Variants in TOX3 observed in about 807,000 individuals in gnomAD.
The protein encoded by TOX3 is TOX high mobility group box family member 3, also known as CAG trinucleotide repeat-containing gene F9 protein.
Under a neutral mutation model 64.3 loss-of-function variants are expected in TOX3, and 22 were observed. The ratio of observed to expected loss-of-function variants is 0.34; its 90% confidence interval spans 0.24 to 0.49. TOX3 has a LOEUF of 0.49. Ranked by LOEUF, TOX3 falls within the 20% of genes least tolerant of loss-of-function variation. TOX3 has a pLI of 0.99. For missense variants in TOX3, 661 were observed against 714.4 expected, an observed-to-expected ratio of 0.93 and a Z score of 0.85; for synonymous variants, 291 against 273.6, an observed-to-expected ratio of 1.06 and a Z score of -0.63.
At position 52,546,617 on chromosome 16, in the gene TOX3, C is replaced by T. The variant is rs1445584239; in HGVS notation, c.87+20G>A. The T allele has an allele frequency of 6.5e-7, 1 of 1,533,824 alleles. No individual in the cohort carries two copies. The highest frequency in any genetic ancestry group is 8.8e-7 in the Non-Finnish European group (1 of 1,142,434). ...GGGAGGTGGCCCCCGCCCCCCGGCCCACCGGCCCAGCCCGGTCACCTTGCT... is the reference window on the plus strand; with the variant it reads ...GGGAGGTGGCCCCCGCCCCCCGGCCTACCGGCCCAGCCCGGTCACCTTGCT... On this transcript the variant is annotated intron_variant, in intron 1 of 6. Coordinates refer to ENST00000219746, the MANE Select transcript of TOX3 (RefSeq NM_001080430.4).
At chr16:52,440,287 C>T (rs977774351) in intron 6 of TOX3, among the ~76,000 whole-genome samples, 4 of 152,142 alleles carry the variant, frequency 2.6e-5, no homozygotes, top group Non-Finnish European at 5.9e-5. Flanking sequence ...GGCCCAATTA[C>T]CCCCCTCAAG....
chr16:52,499,150 AC>A (rs966623232), intron 1 of TOX3, among the ~76,000 whole-genome samples: 1 of 152,146 alleles, frequency 6.6e-6, no homozygotes, highest in Non-Finnish European at 1.5e-5. Flanking sequence ...GATTCACAAG[AC>A]CCCCTGGAAA....
rs369822258 is a variant in TOX3, at chr16:52,468,528, G to A, written c.134C>T (p.Ala45Val). 41 of 1,612,654 alleles carry A rather than the reference G, an allele frequency of 2.5e-5. No individual in the cohort carries two copies. The African/African-American group carries it at 2.8e-4, about 11-fold the overall frequency. The change falls in exon 2 of 7, where the codon GCG (alanine) becomes GTG (valine). Residue 45 changes from alanine (A) to valine (V), a missense_variant. Ala to Val is a moderately conservative substitution (Grantham distance 64, BLOSUM62 0). This residue lies in a region of TOX3 where 259 missense variants were observed against 261.2 expected (regional missense o/e 0.99). Transcript: ENST00000219746. ...ACCTACCTCACTGGCAGCGAAGAAC[G>A]CATTGTTCGCCTCAGCCATATTCAT... The part of the protein sequence containing the change: ...NYMNMAEANN[A>V]FFAASEQTFH...
intron 1 of TOX3, among the ~76,000 whole-genome samples, chr16:52,480,396 C>T (rs1331387607): frequency 6.6e-6 from 1 of 152,154 alleles, no homozygotes; most frequent in Non-Finnish European, 1.5e-5. Context: ...TTGCTGCAAT[C>T]CAATGAAGGA....
intron 6 of TOX3, among the ~76,000 whole-genome samples, chr16:52,441,693 C>T (rs542157916): frequency 6.6e-6 from 1 of 152,212 alleles, no homozygotes; most frequent in Non-Finnish European, 1.5e-5. Flanking sequence ...TTTATGACTC[C>T]GATTTATAAA....
At chr16:52,495,143 C>T (rs956885854) in intron 1 of TOX3, among the ~76,000 whole-genome samples, 1 of 152,028 alleles carries the variant, frequency 6.6e-6, no homozygotes, top group African/African-American at 2.4e-5. Context: ...GAATTGTTGC[C>T]CATCAATTGA....
intron 1 of TOX3, among the ~76,000 whole-genome samples, chr16:52,483,563 G>GT (rs1961422760): frequency 8.9e-5 from 9 of 101,362 alleles, no homozygotes; most frequent in African/African-American, 3.3e-4. Context: ...AGGGCAGTTT[G>GT]GTTTTTTTTT....
In TOX3 at chr16:52,527,207, A is replaced by G. The variant is rs571150555; in HGVS notation, c.87+19430T>C. Among the ~76,000 whole-genome samples the G allele has an allele frequency of 2.6e-5, 4 of 151,152 alleles. No homozygotes were observed. The South Asian group carries it at 8.4e-4, about 32-fold the overall frequency. The stretch of plus-strand genomic sequence containing the variant: ...AAAAAGTAAAAGAAAAGAAAAAGCT[A>G]GCAGGTATACTAGAACCAAACACAC... On this transcript the variant is annotated intron_variant, in intron 1 of 6. Transcript: ENST00000219746.
chr16:52,495,230 G>A (rs776491755), intron 1 of TOX3, among the ~76,000 whole-genome samples: 2 of 152,264 alleles, frequency 1.3e-5, no homozygotes, highest in South Asian at 2.1e-4. Context: ...AGCCCAGAAC[G>A]TGCTTTTGGA....
At chr16:52,448,441 C>G (rs897585625) in intron 4 of TOX3, among the ~76,000 whole-genome samples, 22 of 152,132 alleles carry the variant, frequency 1.4e-4, no homozygotes, top group Non-Finnish European at 4.4e-5. Context: ...AATGGCTAAG[C>G]TGTTACCTAA....
chr16:52,510,155 A>C (rs1466108705), intron 1 of TOX3, among the ~76,000 whole-genome samples: 1 of 152,108 alleles, frequency 6.6e-6, no homozygotes, highest in African/African-American at 2.4e-5. Flanking sequence ...AAAAAAAAAA[A>C]AAAAAATGCC....
intron 1 of TOX3, among the ~76,000 whole-genome samples, chr16:52,516,394 T>C (rs547285983): frequency 5.6e-4 from 85 of 152,320 alleles, no homozygotes; most frequent in Non-Finnish European, 9.1e-4. Flanking sequence ...ATCAGTTACA[T>C]GCATTTAGAA....
rs746103477 is a variant in TOX3, at chr16:52,439,718, G to T, written c.1238C>A (p.Ala413Asp). 23 of 1,613,996 alleles carry T rather than the reference G, an allele frequency of 1.4e-5. No homozygotes were observed. The Admixed American group carries it at 3.2e-4, about 22-fold the overall frequency. The stretch of plus-strand genomic sequence containing the variant: ...CGTTCCCATGGAGCTTATCAGTGGA[G>T]CCCCAATGTTCGAGGGCATGTTGGC... ...IAANMPSNIG[A>D]PLISSMGTTM... Residue 413 changes from alanine to aspartate, a missense_variant, in exon 7 of 7, where the codon GCT (alanine) becomes GAT (aspartate). Physicochemically the swap from Ala to Asp is moderately radical, Grantham distance 126 (BLOSUM62 -2). This residue lies in a region of TOX3 where 299 missense variants were observed against 292.1 expected (regional missense o/e 1.02). Transcript: ENST00000219746.
chr16:52,518,613 A>AT (rs1962518057), intron 1 of TOX3, among the ~76,000 whole-genome samples: 1 of 152,242 alleles, frequency 6.6e-6, no homozygotes, highest in Non-Finnish European at 1.5e-5. Flanking sequence ...ATATTCTCAT[A>AT]CAGAATTCTA....
intron 1 of TOX3, among the ~76,000 whole-genome samples, chr16:52,516,799 T>C (rs1962471179): frequency 6.6e-6 from 1 of 152,198 alleles, no homozygotes; most frequent in Non-Finnish European, 1.5e-5. Context: ...CTTGTGGTGA[T>C]GGAAATGTTC....
At chr16:52,525,016 GA>G (rs937502587) in intron 1 of TOX3, among the ~76,000 whole-genome samples, 3 of 151,756 alleles carry the variant, frequency 2.0e-5, no homozygotes, top group African/African-American at 7.3e-5. Flanking sequence ...TCAAAAACCT[GA>G]AAGGCAAGAT....
Position 52,439,050 on chromosome 16 carries a change from G to T in TOX3, c.*175C>A. The T allele has an allele frequency of 1.1e-6, 1 of 902,446 alleles. No homozygotes were observed. The highest frequency in any genetic ancestry group is 1.8e-6 in the Non-Finnish European group (1 of 564,402). 55.9% of individuals were successfully genotyped at this position (902,446 alleles called of 1,614,324 possible). A position where few individuals can be genotyped will look rare whatever the true frequency, so the allele number is the denominator to read the frequency against. On this transcript the variant is annotated 3_prime_UTR_variant, in exon 7 of 7. Coordinates refer to ENST00000219746, the MANE Select transcript of TOX3 (RefSeq NM_001080430.4). ...AGTGATTTATAGTCAGCTAAAAGAT[G>T]TTACTCAGCTACACTGCAGTTCTTA...
chr16:52,530,423 G>A (rs997799703), intron 1 of TOX3, among the ~76,000 whole-genome samples: 3 of 150,630 alleles, frequency 2.0e-5, no homozygotes, highest in African/African-American at 4.9e-5. Context: ...TGCAACCTCC[G>A]CCTCCCAGGT....
At chr16:52,444,670 AC>A (rs1960112619) in intron 5 of TOX3, 1 of 230,490 alleles carries the variant, frequency 4.3e-6, no homozygotes, top group Non-Finnish European at 8.3e-6. Flanking sequence ...ACAGCTGAAA[AC>A]CTCATGCTAA....
Sources: allele counts gnomAD v4.1 joint callset (sites outside exome capture counted in the v4.1 genomes callset), GRCh38; gene constraint gnomAD v4.1.1; regional missense constraint gnomAD v4.1.1; transcripts MANE v1.5; gene names NCBI Gene and HGNC (gene_info 2026-07-23, HGNC 2026-07-21).